The following FER1L5 variants were observed in gnomAD, a reference collection of about 807,000 sequenced individuals.
The protein encoded by FER1L5 is fer-1 like family member 5.
In FER1L5, 187 loss-of-function variants were observed where a neutral mutation model predicts 279.9. The observed-to-expected ratio is 0.67, with a 90% CI of 0.59 to 0.75. FER1L5 has a LOEUF of 0.75. Ranked by LOEUF, FER1L5 falls within the 30% of genes least tolerant of loss-of-function variation. FER1L5 has a pLI of 0.00. For synonymous variants in FER1L5, 921 were observed against 989.7 expected (o/e 0.93, Z 1.30); for missense variants, 2,091 against 2,594.4 (o/e 0.81, Z 4.21).
Position 96,698,940 on chromosome 2 carries a change from TC to T in FER1L5, c.4519-103del. Reference sequence around the variant, plus strand: ...CACAGAATGCCAACTCCCCATAGGCTCCGTGTGGTGCGAGGGGCTTGTTTCC... The same window carrying T: ...CACAGAATGCCAACTCCCCATAGGCTCGTGTGGTGCGAGGGGCTTGTTTCC... On this transcript the variant is annotated intron_variant, in intron 41 of 52. Coordinates refer to ENST00000624922, the MANE Select transcript of FER1L5 (RefSeq NM_001293083.2). This position sits in a 1 kb window ranked among gnomAD's most constrained non-coding sequence, Gnocchi z 5.5. 6.5e-7 allele frequency: 1 copy of T among 1,529,654 alleles called. No homozygotes were observed. The highest frequency in any genetic ancestry group is 8.9e-7 in the Non-Finnish European group (1 of 1,128,442). 94.8% of individuals were successfully genotyped at this position (1,529,654 alleles called of 1,614,324 possible). A position where few individuals can be genotyped will look rare whatever the true frequency, so the allele number is the denominator to read the frequency against.
intron 19 of FER1L5, among the ~76,000 whole-genome samples, chr2:96,680,614 C>T (rs2076684301): frequency 1.3e-5 from 2 of 151,956 alleles, no homozygotes; most frequent in African/African-American, 4.8e-5. Flanking sequence ...TAGCATTTTC[C>T]ATCTTTGACA....
intron 20 of FER1L5, 88 bp downstream of exon 20, chr2:96,684,539 A>T (rs1228255017): frequency 6.7e-7 from 1 of 1,485,054 alleles, no homozygotes; most frequent in African/African-American, 1.4e-5. Context: ...GTGGCAGGAA[A>T]CTGGTCACAC....
intron 13 of FER1L5, 23 bp downstream of exon 13, chr2:96,662,290 A>C: frequency 6.4e-7 from 1 of 1,550,408 alleles, no homozygotes; most frequent in Non-Finnish European, 8.7e-7. Context: ...ATATTCTGAG[A>C]CCCAGAGAGA....
intron 19 of FER1L5, among the ~76,000 whole-genome samples, chr2:96,677,106 T>G (rs2076538797): frequency 6.6e-6 from 1 of 152,268 alleles, no homozygotes; most frequent in Admixed American, 6.5e-5. Context: ...CTTCCTAAAG[T>G]GCTGGGATTA....
chr2:96,658,015 A>G (rs2075666288), intron 9 of FER1L5, among the ~76,000 whole-genome samples: 1 of 150,424 alleles, frequency 6.6e-6, no homozygotes. Flanking sequence ...TATATGTTTA[A>G]CTTTCTTTTT....
In FER1L5 at chr2:96,694,124, C is replaced by T. The variant is rs1320970510; in HGVS notation, c.3636+52C>T. ...AAGTGTGGCACTCAGTGCCCCTCCC[C>T]GTCCCACCCCCAGCCAGCGGGGGCC... On this transcript the variant is annotated intron_variant, in intron 33 of 52. Transcript: ENST00000624922. This position sits in a 1 kb window ranked among gnomAD's most constrained non-coding sequence, Gnocchi z 4.6. The T allele has an allele frequency of 1.1e-5, 16 of 1,496,212 alleles. No homozygotes were observed. The highest frequency in any genetic ancestry group is 2.6e-5 in the South Asian group (2 of 76,474). The allele number at this position is 1,496,212 out of a possible 1,614,324, so 92.7% of individuals were successfully genotyped here. A position where few individuals can be genotyped will look rare whatever the true frequency, so the allele number is the denominator to read the frequency against.
rs113200021 is a variant in FER1L5, at chr2:96,694,473, G to A, written c.3741+9G>A. 1,926 of 1,536,800 alleles carry A rather than the reference G, an allele frequency of 1.3e-3. 5 individuals are homozygous for A. Among genetic ancestry groups the A allele is most frequent in the Non-Finnish European group, 1.3e-3 (1,530 of 1,138,032 alleles). On this transcript the variant is annotated intron_variant, in intron 34 of 52. Coordinates refer to ENST00000624922, the MANE Select transcript of FER1L5 (RefSeq NM_001293083.2). The surrounding 1 kb of genome is among the most constrained non-coding windows in gnomAD (Gnocchi z 4.6). ...AGAGGATGGCCATTGAGGTGCTGGC[G>A]ATGTGGGATGGGGACGGTGGGCAGG... is the stretch of plus-strand genomic sequence containing the variant.
At chr2:96,658,521 G>T (rs1043234777) in intron 9 of FER1L5, among the ~76,000 whole-genome samples, 1 of 151,976 alleles carries the variant, frequency 6.6e-6, no homozygotes, top group African/African-American at 2.4e-5. Flanking sequence ...CAAAGTGCTG[G>T]GATTACAGGT....
intron 9 of FER1L5, among the ~76,000 whole-genome samples, chr2:96,659,302 CTT>C (rs2075742610): frequency 2.9e-5 from 1 of 34,218 alleles, no homozygotes; most frequent in Non-Finnish European, 6.3e-5. Flanking sequence ...TCCTTCCTTC[CTT>C]CCTTCCTTCC....
At chr2:96,693,162 G>A (rs1404661658) in intron 31 of FER1L5, among the ~76,000 whole-genome samples, 2 of 148,944 alleles carry the variant, frequency 1.3e-5, no homozygotes, top group Admixed American at 6.7e-5. Context: ...GCGAAAGAGC[G>A]AAACTCTGAC....
chr2:96,703,533 A>C lies in FER1L5; in HGVS notation c.5702A>C (p.Lys1901Thr), dbSNP rs780120357. ...CCATGGTGTTCCTAGGGCAAGGTGA[A>C]GATGAGCCTGGAGATTCTGTCAGAG... ...GGKWRLSGKV[K>T]MSLEILSEKE... The change falls in exon 51 of 53, where the codon AAG becomes ACG. Residue 1901 changes from lysine (K) to threonine (T), a missense_variant. Coordinates refer to ENST00000624922, the MANE Select transcript of FER1L5 (RefSeq NM_001293083.2). 1 of 1,613,874 alleles carries C rather than the reference A, an allele frequency of 6.2e-7. No individual in the cohort carries two copies. The highest frequency in any genetic ancestry group is 2.2e-5 in the East Asian group (1 of 44,896).
chr2:96,668,361 CA>C (rs113381426), intron 14 of FER1L5, among the ~76,000 whole-genome samples: 131 of 138,954 alleles, frequency 9.4e-4, no homozygotes, highest in East Asian at 2.7e-3. Flanking sequence ...CCTGTCTCTA[CA>C]AAAAAAAAAA....
chr2:96,691,757 A>C lies in FER1L5; in HGVS notation c.3076-68A>C. ...GGTGGCAGTGTGAGGGAGGAGGGTG[A>C]CTGGGCCTGGGCTAGAGGAAACAGG... On this transcript the variant is annotated intron_variant, in intron 29 of 52. Coordinates refer to ENST00000624922, the MANE Select transcript of FER1L5 (RefSeq NM_001293083.2). The surrounding 1 kb of genome is among the most constrained non-coding windows in gnomAD (Gnocchi z 6.0). 6.4e-7 allele frequency: 1 copy of C among 1,551,504 alleles called. No individual in the cohort carries two copies. Among genetic ancestry groups the C allele is most frequent in the Non-Finnish European group, 8.7e-7 (1 of 1,146,938 alleles).
At chr2:96,653,440 G>A in intron 7 of FER1L5, 200 bp from the exon 8 acceptor site, 1 of 578,998 alleles carries the variant, frequency 1.7e-6, no homozygotes, top group South Asian at 2.1e-5. Flanking sequence ...GGTCATGTTG[G>A]CACTCAGAAA....
intron 18 of FER1L5, 62 bp from the exon 19 acceptor site, chr2:96,673,015 C>T (rs1255431767): frequency 2.0e-6 from 3 of 1,500,808 alleles, no homozygotes; most frequent in Non-Finnish European, 2.7e-6. Context: ...GCCTCCCTGC[C>T]TGTCAATATA....
intron 2 of FER1L5, among the ~76,000 whole-genome samples, chr2:96,646,686 C>A (rs1166274102): frequency 6.6e-6 from 1 of 152,190 alleles, no homozygotes; most frequent in Admixed American, 6.5e-5. Flanking sequence ...GAGGATGGAC[C>A]ATGGTATGGC....
rs116734112 is a variant in FER1L5 at position 96,681,091 on chromosome 2, T to C, written c.1670-3236T>C. ...GGTGTATTCTTTTGATATCATGGTTTGTATATATATGTAGCCTGTGTAGCC... is the reference window on the plus strand; with the variant it reads ...GGTGTATTCTTTTGATATCATGGTTCGTATATATATGTAGCCTGTGTAGCC... On this transcript the variant is annotated intron_variant, in intron 19 of 52. Transcript: ENST00000624922. Among the ~76,000 whole-genome samples the C allele has an allele frequency of 6.5e-3, 994 of 152,314 alleles. 9 individuals carry two copies. The highest frequency in any genetic ancestry group is 0.034 in the South Asian group (163 of 4,830).
rs768382053 is a variant in FER1L5 at position 96,703,366 on chromosome 2, T to C, written c.5691+20T>C. 18 of 1,603,444 alleles carry C rather than the reference T, an allele frequency of 1.1e-5. No individual in the cohort carries two copies. The South Asian group carries it at 1.9e-4, about 17-fold the overall frequency. ...TTGTCGGTAGGAGCTGGGGAGTGTC[T>C]ACTGATTAGGGCTGCTATGCCACAT... On this transcript the variant is annotated intron_variant, in intron 50 of 52. Transcript: ENST00000624922.
At chr2:96,647,942 G>T (rs937809642) in intron 4 of FER1L5, 56 bp downstream of exon 4, 1 of 1,380,130 alleles carries the variant, frequency 7.2e-7, no homozygotes, top group Non-Finnish European at 1.0e-6. Context: ...AGGGGAGCTG[G>T]TGAAGCGGCC....
Sources: gnomAD v4.1 joint callset for allele counts (sites outside exome capture counted in the v4.1 genomes callset) on GRCh38, gnomAD v4.1.1 for gene constraint, Gnocchi (gnomAD v3.1) non-coding constraint, MANE v1.5 for transcripts, NCBI Gene and HGNC (gene_info 2026-07-23, HGNC 2026-07-21) for gene names.